The following HIBADH variants were observed in gnomAD, a reference collection of about 807,000 sequenced individuals.
The protein encoded by HIBADH is 3-hydroxyisobutyrate dehydrogenase.
A neutral mutation model predicts 36.1 loss-of-function variants in HIBADH; 25 were observed. The observed-to-expected ratio is 0.69, with a 90% CI of 0.50 to 0.97. HIBADH has a LOEUF of 0.97. Among genes scored for constraint, HIBADH ranks in the 50% least tolerant of loss-of-function variants. The probability of loss-of-function intolerance (pLI) is 0.00; values close to 1 mark genes in which losing one functional copy is unlikely to be tolerated. For synonymous variants in HIBADH, 160 were observed against 149.5 expected (o/e 1.07, Z -0.51); for missense variants, 421 against 418.0 (o/e 1.01, Z -0.06).
intron 4 of HIBADH, among the ~76,000 whole-genome samples, chr7:27,602,426 T>G (rs1345119701): frequency 6.6e-6 from 1 of 152,102 alleles, no homozygotes; most frequent in East Asian, 1.9e-4. Flanking sequence ...CAAGAAAGAG[T>G]GCAGGGAAGA....
At chr7:27,627,907 A>G (rs1785677722) in intron 4 of HIBADH, among the ~76,000 whole-genome samples, 1 of 152,168 alleles carries the variant, frequency 6.6e-6, no homozygotes, top group South Asian at 2.1e-4. Context: ...TCATAAGATT[A>G]TATTTTAAAG....
chr7:27,598,872 G>A (rs1785074794), intron 4 of HIBADH, among the ~76,000 whole-genome samples: 1 of 151,144 alleles, frequency 6.6e-6, no homozygotes. Context: ...AAGACTCTTA[G>A]AAGATTAGGA....
intron 4 of HIBADH, among the ~76,000 whole-genome samples, chr7:27,618,235 C>T (rs75743187): frequency 2.0e-3 from 304 of 152,290 alleles, no homozygotes; most frequent in African/African-American, 6.9e-3. Context: ...GCTACCTATC[C>T]GGGGCAGAGA....
In HIBADH at chr7:27,607,847, T is replaced by C. The variant is rs967933133; in HGVS notation, c.484+21524A>G. On this transcript the variant is annotated intron_variant, in intron 4 of 7. Coordinates refer to ENST00000265395, the MANE Select transcript of HIBADH (RefSeq NM_152740.4). ...CCGTTTCTTAATTTTCACAAAGTTT[T>C]ATAAAACTATCTTGGCTGTAAAAGC... 3.3e-5 allele frequency among the ~76,000 whole-genome samples: 5 copies of C among 152,342 alleles called. No individual in the cohort carries two copies. In the South Asian group the frequency reaches 1.0e-3, roughly 32 times the overall value.
intron 4 of HIBADH, among the ~76,000 whole-genome samples, chr7:27,576,887 A>T (rs967861022): frequency 5.3e-5 from 8 of 152,188 alleles, no homozygotes; most frequent in African/African-American, 1.9e-4. Context: ...AAATGAAATC[A>T]ACATTAATAC....
At chr7:27,653,800 CTGGTAGCCAT>C (rs1057282333) in intron 1 of HIBADH, among the ~76,000 whole-genome samples, 6 of 151,794 alleles carry the variant, frequency 4.0e-5, no homozygotes, top group Non-Finnish European at 7.4e-5. Flanking sequence ...AGAGATATAC[CTGGTAGCCAT>C]TTGTCTCAAA....
At chr7:27,547,811 TAC>T (rs1784255759) in intron 4 of HIBADH, among the ~76,000 whole-genome samples, 1 of 152,102 alleles carries the variant, frequency 6.6e-6, no homozygotes, top group African/African-American at 2.4e-5. Flanking sequence ...ATTATATTAA[TAC>T]ACAAAACTAT....
At chr7:27,555,470 A>G (rs562099019) in intron 4 of HIBADH, among the ~76,000 whole-genome samples, 1 of 152,202 alleles carries the variant, frequency 6.6e-6, no homozygotes, top group South Asian at 2.1e-4. Flanking sequence ...TGTCAGTTCC[A>G]AGTCTAGAGT....
At chr7:27,555,546 T>C (rs1477276348) in intron 4 of HIBADH, among the ~76,000 whole-genome samples, 3 of 152,098 alleles carry the variant, frequency 2.0e-5, no homozygotes, top group Non-Finnish European at 4.4e-5. Flanking sequence ...GAATTCAACA[T>C]GTCCAAACAC....
chr7:27,588,170 T>G (rs1248003480), intron 4 of HIBADH, among the ~76,000 whole-genome samples: 1 of 152,186 alleles, frequency 6.6e-6, no homozygotes, highest in Non-Finnish European at 1.5e-5. Flanking sequence ...CAGGCACAAG[T>G]CAAATGTAAC....
At chr7:27,608,389 C>G (rs956619693) in intron 4 of HIBADH, among the ~76,000 whole-genome samples, 4 of 152,210 alleles carry the variant, frequency 2.6e-5, no homozygotes, top group Non-Finnish European at 5.9e-5. Context: ...ATGTTCACAA[C>G]TACATCACCC....
chr7:27,640,211 G>A lies in HIBADH; in HGVS notation c.253-7766C>T, dbSNP rs552455137. On this transcript the variant is annotated intron_variant, in intron 2 of 7. Coordinates refer to ENST00000265395, the MANE Select transcript of HIBADH (RefSeq NM_152740.4). Reference sequence around the variant, plus strand: ...ATGTAAACTCTTGTTAAACAACTTAGGAACTGCCTCTTCTTTTTTCCTTAA... The same window carrying A: ...ATGTAAACTCTTGTTAAACAACTTAAGAACTGCCTCTTCTTTTTTCCTTAA... 2.0e-5 allele frequency among the ~76,000 whole-genome samples: 3 copies of A among 152,246 alleles called. No homozygotes were observed. The South Asian group carries it at 6.2e-4, about 32-fold the overall frequency.
At chr7:27,637,939 A>G (rs370397583) in intron 2 of HIBADH, among the ~76,000 whole-genome samples, 6 of 152,160 alleles carry the variant, frequency 3.9e-5, no homozygotes, top group African/African-American at 1.2e-4. Context: ...ATCAGAGATG[A>G]CACAAACATT....
intron 2 of HIBADH, among the ~76,000 whole-genome samples, chr7:27,639,113 A>T (rs1244862722): frequency 6.6e-6 from 1 of 152,216 alleles, no homozygotes; most frequent in Non-Finnish European, 1.5e-5. Context: ...GAATATAAAC[A>T]GTTCACCATA....
intron 4 of HIBADH, among the ~76,000 whole-genome samples, chr7:27,566,394 T>C (rs918878622): frequency 1.3e-5 from 2 of 152,086 alleles, no homozygotes; most frequent in African/African-American, 4.8e-5. Flanking sequence ...ATGGTCCATT[T>C]CATTTACACT....
chr7:27,555,989 T>C (rs1784383756), intron 4 of HIBADH, among the ~76,000 whole-genome samples: 1 of 152,176 alleles, frequency 6.6e-6, no homozygotes, highest in South Asian at 2.1e-4. Context: ...TTCAAGTGTA[T>C]TCTGAAAACA....
intron 3 of HIBADH, among the ~76,000 whole-genome samples, chr7:27,631,805 T>C (rs1257473111): frequency 6.6e-6 from 1 of 152,198 alleles, no homozygotes; most frequent in Non-Finnish European, 1.5e-5. Context: ...GGTCTGATTT[T>C]TCACAAAAAA....
At chr7:27,606,375 G>A (rs1785229109) in intron 4 of HIBADH, among the ~76,000 whole-genome samples, 2 of 152,174 alleles carry the variant, frequency 1.3e-5, no homozygotes, top group Non-Finnish European at 2.9e-5. Context: ...GTCCACTCTG[G>A]TTAAATGGTA....
intron 4 of HIBADH, among the ~76,000 whole-genome samples, chr7:27,604,059 T>G (rs952371276): frequency 6.6e-6 from 1 of 152,164 alleles, no homozygotes; most frequent in African/African-American, 2.4e-5. Flanking sequence ...TTTATATCTA[T>G]GTGGAGGTTC....
Sources: gnomAD v4.1 joint callset for allele counts (sites outside exome capture counted in the v4.1 genomes callset) on GRCh38, gnomAD v4.1.1 for gene constraint, MANE v1.5 for transcripts, NCBI Gene and HGNC (gene_info 2026-07-23, HGNC 2026-07-21) for gene names.